Variants in RPL39L observed in about 807,000 individuals in gnomAD.
RPL39L encodes the protein ribosomal protein eL39-like 2.
For missense variants in RPL39L, 48 were observed against 58.9 expected (o/e 0.81, Z 0.61); for synonymous variants, 16 against 20.1 (o/e 0.80, Z 0.55).
At chr3:187,128,160 C>G (rs1303135755) in intron 1 of RPL39L, 98 bp from the exon 2 acceptor site, 1 of 152,110 alleles carries the variant, frequency 6.6e-6, no homozygotes, top group Non-Finnish European at 1.5e-5. Flanking sequence ...ATCAATTGGC[C>G]TGAAATTTGT....
At chr3:187,128,413 G>A (rs1450832477) in intron 1 of RPL39L, among the ~76,000 whole-genome samples, 1 of 152,098 alleles carries the variant, frequency 6.6e-6, no homozygotes, top group Non-Finnish European at 1.5e-5. Context: ...AGTAATATTT[G>A]CCATTTTTTT....
chr3:187,133,437 A>G (rs955467737), intron 1 of RPL39L, among the ~76,000 whole-genome samples: 1 of 152,054 alleles, frequency 6.6e-6, no homozygotes, highest in Non-Finnish European at 1.5e-5. Flanking sequence ...CTTCTGCCAG[A>G]TTGTAAGTAT....
At position 187,125,513 on chromosome 3, in the gene RPL39L, C is replaced by A. The variant is rs1414193844; in HGVS notation, c.-29+2486G>T. Among the ~76,000 whole-genome samples, 3 of 152,040 alleles carry A rather than the reference C, an allele frequency of 2.0e-5. No individual in the cohort carries two copies. In the East Asian group the frequency reaches 5.8e-4, roughly 29 times the overall value. On this transcript the variant is annotated intron_variant, in intron 2 of 2. Coordinates refer to ENST00000296277, the MANE Select transcript of RPL39L (RefSeq NM_052969.3). ...CATCTTGTGGCTTTCTGAATCGCTGCACTCAGACAAGAAGAAGCACCTGCT... is the reference window on the plus strand; with the variant it reads ...CATCTTGTGGCTTTCTGAATCGCTGAACTCAGACAAGAAGAAGCACCTGCT...
At chr3:187,121,475 G>A (rs1049006191) in intron 2 of RPL39L, 147 bp from the exon 3 acceptor site, 1 of 755,536 alleles carries the variant, frequency 1.3e-6, no homozygotes, top group Non-Finnish European at 2.1e-6. Context: ...GGCAGCTCAG[G>A]AGCAGCTCAG....
intron 1 of RPL39L, among the ~76,000 whole-genome samples, chr3:187,136,478 TTTGAGC>T (rs1321095727): frequency 6.6e-6 from 1 of 152,204 alleles, no homozygotes; most frequent in Non-Finnish European, 1.5e-5. Context: ...CTGAGGGAAG[TTTGAGC>T]CTTTCTCTGC....
chr3:187,128,441 T>C (rs114462705), intron 1 of RPL39L, among the ~76,000 whole-genome samples: 2 of 152,318 alleles, frequency 1.3e-5, no homozygotes, highest in African/African-American at 4.8e-5. Context: ...GGTATCAACA[T>C]AGTTATTATA....
At chr3:187,124,497 T>C (rs1024398394) in intron 2 of RPL39L, among the ~76,000 whole-genome samples, 2 of 152,206 alleles carry the variant, frequency 1.3e-5, no homozygotes, top group African/African-American at 4.8e-5. Context: ...AACTGGCGCT[T>C]CAAGAAAGAT....
chr3:187,121,205 A>G lies in RPL39L; in HGVS notation c.96T>C (p.Gly32=). 2 of 1,613,836 alleles carry G rather than the reference A, an allele frequency of 1.2e-6. No homozygotes were observed. The highest frequency in any genetic ancestry group is 1.7e-6 in the Non-Finnish European group (2 of 1,179,848). The change falls in exon 3 of 3, where the codon GGT becomes GGC. Residue 32 remains glycine, a synonymous_variant. Coordinates refer to ENST00000296277, the MANE Select transcript of RPL39L (RefSeq NM_052969.3). ...PIPQWIQMKP[G]SKIRYNSKRR... ...TTTTGGAGTTGTACCTGATTTTACT[A>G]CCAGGTTTCATCTGAATCCACTGGG... is the stretch of plus-strand genomic sequence containing the variant.
chr3:187,136,500 T>A (rs1032347679), intron 1 of RPL39L, among the ~76,000 whole-genome samples: 1 of 152,258 alleles, frequency 6.6e-6, no homozygotes, highest in Non-Finnish European at 1.5e-5. Context: ...TCTGCAGCCC[T>A]AGACCATCTG....
chr3:187,134,101 T>C (rs527904464), intron 1 of RPL39L, among the ~76,000 whole-genome samples: 1 of 152,304 alleles, frequency 6.6e-6, no homozygotes, highest in African/African-American at 2.4e-5. Context: ...ACTTAAAATA[T>C]ATTTGATTAA....
intron 1 of RPL39L, among the ~76,000 whole-genome samples, chr3:187,129,564 G>C (rs1301081247): frequency 6.6e-6 from 1 of 152,172 alleles, no homozygotes; most frequent in Non-Finnish European, 1.5e-5. Context: ...CAGTTCTTTT[G>C]AGTAGAAAAT....
Position 187,121,080 on chromosome 3 carries a change from G to A in RPL39L, c.*65C>T. 6.4e-7 allele frequency: 1 copy of A among 1,563,338 alleles called. No homozygotes were observed. Among genetic ancestry groups the A allele is most frequent in the South Asian group, 1.1e-5 (1 of 88,642 alleles). ...CAGGTAGTGGTGACATTTTCAGCTT[G>A]ATATCGTAAGATGATCGTGAACTTG... On this transcript the variant is annotated 3_prime_UTR_variant, in exon 3 of 3. Coordinates refer to ENST00000296277, the MANE Select transcript of RPL39L (RefSeq NM_052969.3).
chr3:187,125,318 T>C (rs927510335), intron 2 of RPL39L, among the ~76,000 whole-genome samples: 3 of 152,224 alleles, frequency 2.0e-5, no homozygotes, highest in Admixed American at 1.3e-4. Context: ...GGTGGCATCA[T>C]ATTGGTTTAA....
intron 2 of RPL39L, among the ~76,000 whole-genome samples, chr3:187,125,865 G>A (rs1235085809): frequency 1.3e-5 from 2 of 152,158 alleles, no homozygotes; most frequent in East Asian, 1.9e-4. Flanking sequence ...ATCACAAATC[G>A]TGAAGTGGAT....
At chr3:187,132,997 G>A (rs1720511914) in intron 1 of RPL39L, among the ~76,000 whole-genome samples, 1 of 152,212 alleles carries the variant, frequency 6.6e-6, no homozygotes, top group South Asian at 2.1e-4. Context: ...TAAGAATTCA[G>A]CTAAAATTGT....
chr3:187,127,707 A>G (rs2108468312), intron 2 of RPL39L, among the ~76,000 whole-genome samples: 1 of 152,350 alleles, frequency 6.6e-6, no homozygotes, highest in Non-Finnish European at 1.5e-5. Flanking sequence ...TATAAAATGT[A>G]AAAGTTTGTG....
intron 1 of RPL39L, among the ~76,000 whole-genome samples, chr3:187,128,495 G>GT (rs1316058587): frequency 1.3e-5 from 2 of 152,200 alleles, no homozygotes; most frequent in Admixed American, 1.3e-4. Context: ...CATTATAACA[G>GT]TTTTTTAATA....
At chr3:187,122,720 T>A (rs1304923767) in intron 2 of RPL39L, among the ~76,000 whole-genome samples, 1 of 152,194 alleles carries the variant, frequency 6.6e-6, no homozygotes, top group East Asian at 1.9e-4. Flanking sequence ...TCCACTGCCA[T>A]CCTTAGCAGT....
intron 1 of RPL39L, among the ~76,000 whole-genome samples, chr3:187,137,073 G>A (rs1260363877): frequency 6.6e-6 from 1 of 151,772 alleles, no homozygotes; most frequent in African/African-American, 2.4e-5. Flanking sequence ...TGGGCATGGT[G>A]GTGCATGCCT....
Sources: gnomAD v4.1 joint callset for allele counts (sites outside exome capture counted in the v4.1 genomes callset) on GRCh38, gnomAD v4.1.1 for gene constraint, MANE v1.5 for transcripts, NCBI Gene and HGNC (gene_info 2026-07-23, HGNC 2026-07-21) for gene names.